Variants in ZBTB7C observed in about 807,000 individuals in gnomAD.
The protein encoded by ZBTB7C is zinc finger and BTB domain containing 7C.
In ZBTB7C, 8 loss-of-function variants were observed where a neutral mutation model predicts 25.7. The ratio of observed to expected loss-of-function variants is 0.31; its 90% CI spans 0.18 to 0.56. The LOEUF is 0.56. ZBTB7C is among the 20% of genes least tolerant of loss of function. The probability of loss-of-function intolerance (pLI) is 0.91; values close to 1 mark genes in which losing one functional copy is unlikely to be tolerated. For synonymous variants in ZBTB7C, 394 were observed against 369.0 expected, an observed-to-expected ratio of 1.07 and a Z score of -0.78; for missense variants, 824 against 855.2, an observed-to-expected ratio of 0.96 and a Z score of 0.46.
At position 48,395,281 on chromosome 18, in the gene ZBTB7C, G is replaced by C. The variant is rs1031361831; in HGVS notation, c.-304+13945C>G. Among the ~76,000 whole-genome samples, 92 of 55,570 alleles carry C rather than the reference G, an allele frequency of 1.7e-3. 1 individual carries two copies. The highest frequency in any genetic ancestry group is 4.4e-3 in the African/African-American group (85 of 19,448). The allele number at this position is 55,570 out of a possible 152,430, so 36.5% of individuals were successfully genotyped here. A position where few individuals can be genotyped will look rare whatever the true frequency, so the allele number is the denominator to read the frequency against. On this transcript the variant is annotated intron_variant, in intron 1 of 4. Coordinates refer to ENST00000590800, the MANE Select transcript of ZBTB7C (RefSeq NM_001318841.2). ...AGAGAGAGAATGTGTGTGTGTGTGTGTGTGTGTGTGTGTGTGTGTGTGTGT... is the reference window on the plus strand; with the variant it reads ...AGAGAGAGAATGTGTGTGTGTGTGTCTGTGTGTGTGTGTGTGTGTGTGTGT...
chr18:48,375,803 T>C (rs773735248), intron 1 of ZBTB7C, among the ~76,000 whole-genome samples: 7 of 152,218 alleles, frequency 4.6e-5, no homozygotes, highest in Non-Finnish European at 8.8e-5. Context: ...TCTCCATAAA[T>C]GTGAACTCCT....
chr18:48,385,244 C>T (rs986576188), intron 1 of ZBTB7C, among the ~76,000 whole-genome samples: 4 of 152,198 alleles, frequency 2.6e-5, no homozygotes, highest in Admixed American at 2.6e-4. Flanking sequence ...TTACTACTTT[C>T]TGGTCTGTAG....
At chr18:48,259,907 T>G (rs1033254882) in intron 2 of ZBTB7C, among the ~76,000 whole-genome samples, 1 of 152,232 alleles carries the variant, frequency 6.6e-6, no homozygotes, top group East Asian at 1.9e-4. Context: ...CCTATATCAC[T>G]GATAGGAATG....
intron 2 of ZBTB7C, among the ~76,000 whole-genome samples, chr18:48,200,591 T>C (rs899396867): frequency 6.6e-6 from 1 of 152,156 alleles, no homozygotes; most frequent in Non-Finnish European, 1.5e-5. Context: ...AAAATCCACC[T>C]AGTCATGAGG....
chr18:48,378,061 GA>G (rs1265586566), intron 1 of ZBTB7C, among the ~76,000 whole-genome samples: 2 of 152,110 alleles, frequency 1.3e-5, no homozygotes, highest in Non-Finnish European at 2.9e-5. Flanking sequence ...TGAAGCAAGA[GA>G]ATCACTTGAA....
intron 1 of ZBTB7C, among the ~76,000 whole-genome samples, chr18:48,343,727 G>A (rs928463216): frequency 6.6e-6 from 1 of 152,158 alleles, no homozygotes; most frequent in African/African-American, 2.4e-5. Context: ...ATAGCCTGTT[G>A]GGCTCCCAGT....
At chr18:48,216,597 G>A (rs879887982) in intron 2 of ZBTB7C, among the ~76,000 whole-genome samples, 3 of 152,036 alleles carry the variant, frequency 2.0e-5, no homozygotes, top group Non-Finnish European at 4.4e-5. Flanking sequence ...CAAGCTCCTC[G>A]CCAATTTTCC....
chr18:48,225,988 G>T (rs533693256), intron 2 of ZBTB7C, among the ~76,000 whole-genome samples: 39 of 152,240 alleles, frequency 2.6e-4, no homozygotes, highest in African/African-American at 9.4e-4. Flanking sequence ...CGATCCACCC[G>T]CTTTGGCGTC....
chr18:48,245,486 C>A (rs1599178435), intron 2 of ZBTB7C, among the ~76,000 whole-genome samples: 3 of 48,164 alleles, frequency 6.2e-5, no homozygotes, highest in Non-Finnish European at 7.5e-5. Context: ...AAAAATAGAT[C>A]AAGACACCAA....
At chr18:48,213,300 G>A (rs768313511) in intron 2 of ZBTB7C, among the ~76,000 whole-genome samples, 5 of 152,242 alleles carry the variant, frequency 3.3e-5, no homozygotes, top group East Asian at 3.9e-4. Flanking sequence ...TTTTCTGTCC[G>A]CAAACCCTCC....
intron 2 of ZBTB7C, among the ~76,000 whole-genome samples, chr18:48,309,165 C>G (rs989760965): frequency 6.6e-6 from 1 of 152,160 alleles, no homozygotes; most frequent in African/African-American, 2.4e-5. Context: ...GAAAAATACT[C>G]TTTAATTAGG....
At chr18:48,207,250 A>G (rs1327252223) in intron 2 of ZBTB7C, among the ~76,000 whole-genome samples, 1 of 152,228 alleles carries the variant, frequency 6.6e-6, no homozygotes, top group Non-Finnish European at 1.5e-5. Flanking sequence ...AAAGAGTGTT[A>G]AGCAATATCT....
chr18:48,031,893 G>A (rs1205342795), intron 4 of ZBTB7C, among the ~76,000 whole-genome samples: 2 of 152,118 alleles, frequency 1.3e-5, no homozygotes, highest in Non-Finnish European at 2.9e-5. Flanking sequence ...GGAAGTGTCG[G>A]GTGCCTGTAC....
At chr18:48,189,761 C>A (rs1050352323) in intron 2 of ZBTB7C, among the ~76,000 whole-genome samples, 5 of 152,154 alleles carry the variant, frequency 3.3e-5, no homozygotes, top group Non-Finnish European at 7.3e-5. Flanking sequence ...CGACCTGGCT[C>A]GCCTTGCTCT....
At chr18:48,072,848 C>T (rs1410431872) in intron 3 of ZBTB7C, among the ~76,000 whole-genome samples, 1 of 152,182 alleles carries the variant, frequency 6.6e-6, no homozygotes, top group African/African-American at 2.4e-5. Context: ...TGGGCTGGGA[C>T]CCCAGATGTT....
chr18:48,064,602 G>A (rs987706737), intron 3 of ZBTB7C, among the ~76,000 whole-genome samples: 2 of 152,178 alleles, frequency 1.3e-5, no homozygotes, highest in Non-Finnish European at 2.9e-5. Context: ...AATTAGCTGG[G>A]CATGGTGGCA....
intron 3 of ZBTB7C, among the ~76,000 whole-genome samples, chr18:48,157,500 C>A (rs74479440): frequency 0.02 from 3,101 of 152,252 alleles, 109 homozygotes; most frequent in African/African-American, 0.071. Flanking sequence ...AAAGTGACCA[C>A]TCGACAGTTA....
intron 3 of ZBTB7C, among the ~76,000 whole-genome samples, chr18:48,108,032 G>A (rs897196102): frequency 6.6e-6 from 1 of 152,178 alleles, no homozygotes; most frequent in African/African-American, 2.4e-5. Context: ...GTCAGGGCAC[G>A]TGAAATTCCA....
At chr18:48,371,009 A>G (rs762151612) in intron 1 of ZBTB7C, among the ~76,000 whole-genome samples, 6 of 152,208 alleles carry the variant, frequency 3.9e-5, no homozygotes, top group Non-Finnish European at 8.8e-5. Context: ...CATTACTGGA[A>G]GGACACGAAG....
Sources: allele counts gnomAD v4.1 joint callset (sites outside exome capture counted in the v4.1 genomes callset), GRCh38; gene constraint gnomAD v4.1.1; transcripts MANE v1.5; gene names NCBI Gene and HGNC (gene_info 2026-07-23, HGNC 2026-07-21).